Variants in SLC1A2 observed in about 807,000 individuals in gnomAD.
SLC1A2 encodes excitatory amino acid transporter 2.
SLC1A2 carries 15 observed loss-of-function variants against 48.8 expected under a neutral mutation model. The observed-to-expected ratio is 0.31, with a 90% CI of 0.21 to 0.47. The LOEUF is 0.47. Among genes scored for constraint, SLC1A2 ranks in the 20% least tolerant of loss-of-function variants. The pLI is 0.99. For synonymous variants in SLC1A2, 279 were observed against 272.6 expected, an observed-to-expected ratio of 1.02 and a Z score of -0.23; for missense variants, 502 against 730.5, an observed-to-expected ratio of 0.69 and a Z score of 3.61.
intron 1 of SLC1A2, among the ~76,000 whole-genome samples, chr11:35,360,748 G>A (rs1240414764): frequency 6.6e-6 from 1 of 152,088 alleles, no homozygotes; most frequent in Non-Finnish European, 1.5e-5. Flanking sequence ...GTTGTTTTGA[G>A]GTAGGTTTGG....
intron 4 of SLC1A2, among the ~76,000 whole-genome samples, chr11:35,309,118 C>T (rs1046526274): frequency 3.9e-5 from 6 of 152,228 alleles, no homozygotes; most frequent in Non-Finnish European, 7.3e-5. Flanking sequence ...CCCCTATCCT[C>T]TCAGCTGAAA....
intron 10 of SLC1A2, among the ~76,000 whole-genome samples, chr11:35,263,398 G>C (rs1950427594): frequency 6.6e-6 from 1 of 152,150 alleles, no homozygotes; most frequent in Non-Finnish European, 1.5e-5. Flanking sequence ...AACCTGGGAG[G>C]CGGAGGTTGT....
intron 1 of SLC1A2, among the ~76,000 whole-genome samples, chr11:35,352,822 T>C (rs1853311698): frequency 6.6e-6 from 1 of 152,016 alleles, no homozygotes; most frequent in African/African-American, 2.4e-5. Flanking sequence ...GGATTGGGAA[T>C]TAAGGAGCTG....
intron 1 of SLC1A2, among the ~76,000 whole-genome samples, chr11:35,405,595 G>C (rs900144169): frequency 6.6e-6 from 1 of 152,202 alleles, no homozygotes; most frequent in Non-Finnish European, 1.5e-5. Flanking sequence ...GGGAAAGACA[G>C]AGGATGGGCT....
intron 1 of SLC1A2, among the ~76,000 whole-genome samples, chr11:35,384,499 G>A (rs1854526483): frequency 6.6e-6 from 1 of 152,136 alleles, no homozygotes; most frequent in Non-Finnish European, 1.5e-5. Context: ...CAAAGCATAT[G>A]GCCATAATTC....
chr11:35,363,615 A>C lies in SLC1A2; in HGVS notation c.18-46099T>G, dbSNP rs534130032. Among the ~76,000 whole-genome samples, 9 of 152,274 alleles carry C rather than the reference A, an allele frequency of 5.9e-5. No individual in the cohort carries two copies. In the East Asian group the frequency reaches 1.5e-3, roughly 26 times the overall value. On this transcript the variant is annotated intron_variant, in intron 1 of 10. Coordinates refer to ENST00000278379, the MANE Select transcript of SLC1A2 (RefSeq NM_004171.4). ...ACTAGCACTTAGAGCACTTTCTGTC[A>C]GCCAGTTGCTTTATACTGAGTTCTT...
intron 4 of SLC1A2, among the ~76,000 whole-genome samples, chr11:35,311,163 G>GT (rs946373539): frequency 4.5e-4 from 68 of 151,326 alleles, no homozygotes; most frequent in Admixed American, 1.1e-3. Context: ...CTTTTTTTTT[G>GT]TTTTTTTGTT....
chr11:35,389,365 A>C (rs932081565), intron 1 of SLC1A2, among the ~76,000 whole-genome samples: 1 of 151,178 alleles, frequency 6.6e-6, no homozygotes, highest in African/African-American at 2.4e-5. Context: ...AGAGTTCCTC[A>C]TTCTCGTTCC....
At chr11:35,284,915 C>T (rs1458086393) in intron 8 of SLC1A2, among the ~76,000 whole-genome samples, 2 of 152,206 alleles carry the variant, frequency 1.3e-5, no homozygotes, top group Non-Finnish European at 2.9e-5. Context: ...AACACTGCCT[C>T]TTAGGAGAGA....
intron 1 of SLC1A2, among the ~76,000 whole-genome samples, chr11:35,366,440 C>A (rs1853852491): frequency 2.6e-5 from 4 of 152,196 alleles, no homozygotes; most frequent in African/African-American, 4.8e-5. Flanking sequence ...TCAGGAGTAG[C>A]CTTCAACCCA....
chr11:35,344,337 G>A (rs1852951513), intron 1 of SLC1A2, among the ~76,000 whole-genome samples: 1 of 152,196 alleles, frequency 6.6e-6, no homozygotes, highest in South Asian at 2.1e-4. Flanking sequence ...CCAGTGACTT[G>A]AAGAAAGTTA....
intron 1 of SLC1A2, among the ~76,000 whole-genome samples, chr11:35,418,165 C>T (rs144795009): frequency 6.6e-6 from 1 of 152,342 alleles, no homozygotes; most frequent in Non-Finnish European, 1.5e-5. Flanking sequence ...CTTTTGCCCC[C>T]TGCAGCCCCT....
intron 1 of SLC1A2, among the ~76,000 whole-genome samples, chr11:35,349,032 A>G (rs1385357366): frequency 6.6e-6 from 1 of 152,182 alleles, no homozygotes; most frequent in African/African-American, 2.4e-5. Context: ...GAGAGGATAC[A>G]TCAGGCAGAG....
chr11:35,367,168 T>C (rs1227330213), intron 1 of SLC1A2, among the ~76,000 whole-genome samples: 2 of 152,226 alleles, frequency 1.3e-5, no homozygotes, highest in Non-Finnish European at 2.9e-5. Flanking sequence ...TTCTTTGTAA[T>C]GCATGGTGCT....
At chr11:35,333,449 G>A (rs1590197256) in intron 1 of SLC1A2, among the ~76,000 whole-genome samples, 1 of 148,190 alleles carries the variant, frequency 6.7e-6, no homozygotes, top group Non-Finnish European at 1.5e-5. Context: ...ACCATAAACA[G>A]AAACAAAAAG....
intron 1 of SLC1A2, among the ~76,000 whole-genome samples, chr11:35,409,858 G>A (rs747867632): frequency 3.9e-5 from 6 of 152,078 alleles, no homozygotes; most frequent in Non-Finnish European, 8.8e-5. Context: ...GCAGTGAGCC[G>A]AGATCATGCC....
intron 7 of SLC1A2, among the ~76,000 whole-genome samples, chr11:35,287,300 CA>C (rs1850855949): frequency 7.0e-6 from 1 of 142,096 alleles, no homozygotes; most frequent in South Asian, 2.2e-4. Flanking sequence ...AAAAAAAAAA[CA>C]AAAGCCAGCT....
intron 1 of SLC1A2, among the ~76,000 whole-genome samples, chr11:35,326,654 G>A (rs1852262145): frequency 6.6e-6 from 1 of 152,202 alleles, no homozygotes. Flanking sequence ...AAGCAAGAAG[G>A]CAAGTCACTA....
intron 1 of SLC1A2, among the ~76,000 whole-genome samples, chr11:35,402,898 T>C (rs1221904252): frequency 1.2e-4 from 19 of 152,198 alleles, no homozygotes. Flanking sequence ...AATACAGCAC[T>C]CAAATGATCA....
Sources: gnomAD v4.1 joint callset for allele counts (sites outside exome capture counted in the v4.1 genomes callset) on GRCh38, gnomAD v4.1.1 for gene constraint, MANE v1.5 for transcripts, NCBI Gene and HGNC (gene_info 2026-07-23, HGNC 2026-07-21) for gene names.